Variants in PTER observed in about 807,000 individuals in gnomAD.
PTER encodes N-acetyltaurine hydrolase.
A neutral mutation model predicts 29.6 loss-of-function variants in PTER; 38 were observed. That is an observed-to-expected ratio of 1.28 (90% CI 0.99 to 1.68). The LOEUF (loss-of-function observed/expected upper bound fraction) is 1.68, where lower values mean the gene tolerates loss of function less well. Among genes scored for constraint, PTER ranks in the 40% most tolerant of loss-of-function variants. The pLI, the probability that PTER is intolerant of heterozygous loss-of-function variation, is 0.00. For synonymous variants in PTER, 172 were observed against 154.5 expected (o/e 1.11, Z -0.84); for missense variants, 482 against 427.8 (o/e 1.13, Z -1.12).
chr10:16,508,481 C>G (rs574018287), intron 4 of PTER, among the ~76,000 whole-genome samples: 1 of 152,058 alleles, frequency 6.6e-6, no homozygotes, highest in Non-Finnish European at 1.5e-5. Context: ...ACCTGTGTCT[C>G]GCATGAGGCT....
chr10:16,479,429 G>T (rs993870062), intron 1 of PTER, among the ~76,000 whole-genome samples: 1 of 151,892 alleles, frequency 6.6e-6, no homozygotes, highest in Non-Finnish European at 1.5e-5. Context: ...CTGCTTCAAA[G>T]AAGATATATT....
At chr10:16,449,431 T>TC (rs1246329270) in intron 1 of PTER, among the ~76,000 whole-genome samples, 5 of 141,346 alleles carry the variant, frequency 3.5e-5, no homozygotes, top group African/African-American at 1.3e-4. Flanking sequence ...TAATTTTCTT[T>TC]TTTTTTTTTT....
At chr10:16,437,324 C>T (rs535197017) in intron 1 of PTER, 3 of 140,314 alleles carry the variant, frequency 2.1e-5, no homozygotes, top group Non-Finnish European at 3.0e-5. Context: ...GCTAAGCCTC[C>T]TTTAATAAGC....
intron 1 of PTER, among the ~76,000 whole-genome samples, chr10:16,438,217 G>C (rs967321017): frequency 6.6e-6 from 1 of 152,020 alleles, no homozygotes. Context: ...TACTGGCCAG[G>C]CTGATCTCGA....
At chr10:16,445,529 C>G (rs1003397002) in intron 1 of PTER, among the ~76,000 whole-genome samples, 2 of 152,198 alleles carry the variant, frequency 1.3e-5, no homozygotes, top group Non-Finnish European at 2.9e-5. Flanking sequence ...GCTTCTCTGG[C>G]ATATGACATG....
chr10:16,510,023 G>A (rs1449528705), intron 4 of PTER, among the ~76,000 whole-genome samples: 5 of 152,064 alleles, frequency 3.3e-5, no homozygotes, highest in Non-Finnish European at 5.9e-5. Flanking sequence ...AAACAAAAAA[G>A]ATACCTTTCA....
chr10:16,502,004 T>C (rs1264456863), intron 3 of PTER, among the ~76,000 whole-genome samples: 2 of 152,226 alleles, frequency 1.3e-5, no homozygotes, highest in African/African-American at 2.4e-5. Context: ...TTATTTTCAA[T>C]TGGAGCTAAG....
chr10:16,443,727 C>A (rs568172314), intron 1 of PTER, among the ~76,000 whole-genome samples: 9 of 152,286 alleles, frequency 5.9e-5, no homozygotes, highest in African/African-American at 1.9e-4. Context: ...TGACAAACAT[C>A]CAAATATTTG....
intron 1 of PTER, among the ~76,000 whole-genome samples, chr10:16,482,644 A>C (rs1249804740): frequency 6.6e-6 from 1 of 152,172 alleles, no homozygotes; most frequent in Non-Finnish European, 1.5e-5. Flanking sequence ...GAGAGCTTGG[A>C]AACACGTGAT....
At chr10:16,499,432 A>G (rs1836245707) in intron 3 of PTER, among the ~76,000 whole-genome samples, 1 of 151,334 alleles carries the variant, frequency 6.6e-6, no homozygotes, top group Non-Finnish European at 1.5e-5. Context: ...TAATTATTTT[A>G]TTTATTTATT....
rs1833674556 is a variant in PTER at position 16,437,062 on chromosome 10, A to C, written c.-49+15A>C. ...TTGTACCCGAGGTAAGGCTTCTTGG[A>C]GTCAGAGCAGGAGCCGGAACTGTGG... On this transcript the variant is annotated intron_variant, in intron 1 of 4. Transcript: ENST00000535784. 1 of 152,486 alleles carries C rather than the reference A, an allele frequency of 6.6e-6. No individual in the cohort carries two copies. Among genetic ancestry groups the C allele is most frequent in the African/African-American group, 2.4e-5 (1 of 41,470 alleles). The allele number at this position is 152,486 out of a possible 1,614,324, so 9.4% of individuals were successfully genotyped here.
At chr10:16,478,578 C>T (rs1050538028) in intron 1 of PTER, among the ~76,000 whole-genome samples, 1 of 151,956 alleles carries the variant, frequency 6.6e-6, no homozygotes, top group Non-Finnish European at 1.5e-5. Context: ...AGGTGATTTG[C>T]CTGCCTCAGC....
At chr10:16,491,969 G>GACA (rs753015362) in intron 3 of PTER, among the ~76,000 whole-genome samples, 5 of 151,992 alleles carry the variant, frequency 3.3e-5, no homozygotes, top group Non-Finnish European at 7.4e-5. Context: ...CACTCATTGT[G>GACA]ACAACAACAA....
At chr10:16,477,554 T>C (rs544369131) in intron 1 of PTER, among the ~76,000 whole-genome samples, 2 of 152,254 alleles carry the variant, frequency 1.3e-5, no homozygotes, top group South Asian at 4.1e-4. Context: ...GTCAGTAATA[T>C]CCATTTCAAG....
intron 1 of PTER, among the ~76,000 whole-genome samples, chr10:16,475,226 C>T (rs1270974419): frequency 1.3e-5 from 2 of 152,134 alleles, no homozygotes; most frequent in East Asian, 3.9e-4. Context: ...TACAAACAAC[C>T]ACCATTTTAT....
rs1409544287 is a variant in PTER at position 16,461,657 on chromosome 10, T to C, written c.-48-22680T>C. Among the ~76,000 whole-genome samples the C allele has an allele frequency of 3.3e-5, 5 of 152,280 alleles. No individual in the cohort carries two copies. In the East Asian group the frequency reaches 9.6e-4, roughly 29 times the overall value. On this transcript the variant is annotated intron_variant, in intron 1 of 4. Coordinates refer to ENST00000535784, the MANE Select transcript of PTER (RefSeq NM_001261836.2). ...CACTCTCTTAGGACCAGACAAAATTTGTTACTTTGAGTTCTTTCCTAGACC... is the reference window on the plus strand; with the variant it reads ...CACTCTCTTAGGACCAGACAAAATTCGTTACTTTGAGTTCTTTCCTAGACC...
intron 3 of PTER, among the ~76,000 whole-genome samples, chr10:16,502,182 C>A (rs1413798604): frequency 6.6e-6 from 1 of 152,186 alleles, no homozygotes; most frequent in Non-Finnish European, 1.5e-5. Context: ...TAACTGGTGA[C>A]TCCATTTCCG....
intron 1 of PTER, among the ~76,000 whole-genome samples, chr10:16,451,707 A>G (rs1254382148): frequency 6.6e-6 from 1 of 152,168 alleles, no homozygotes; most frequent in Non-Finnish European, 1.5e-5. Context: ...GTGAGACTCC[A>G]TCTCAAAAGT....
intron 1 of PTER, among the ~76,000 whole-genome samples, chr10:16,470,561 A>G (rs1320684814): frequency 6.6e-6 from 1 of 152,210 alleles, no homozygotes; most frequent in East Asian, 1.9e-4. Context: ...TGAGGTCAGG[A>G]GTTCAAGACC....
Sources: allele counts gnomAD v4.1 joint callset (sites outside exome capture counted in the v4.1 genomes callset), GRCh38; gene constraint gnomAD v4.1.1; transcripts MANE v1.5; gene names NCBI Gene and HGNC (gene_info 2026-07-23, HGNC 2026-07-21).